DEFB123: variants seen among roughly 807,000 people sequenced by gnomAD.
The protein encoded by DEFB123 is defensin beta 123.
For synonymous variants in DEFB123, 22 were observed against 28.3 expected (o/e 0.78, Z 0.71); for missense variants, 71 against 75.0 (o/e 0.95, Z 0.20).
chr20:31,441,020 G>A (rs1600549392), intron 1 of DEFB123, among the ~76,000 whole-genome samples: 2 of 152,332 alleles, frequency 1.3e-5, no homozygotes, highest in South Asian at 4.1e-4. Context: ...GGAGTGGGAG[G>A]GGTGAGCAAG....
intron 1 of DEFB123, among the ~76,000 whole-genome samples, chr20:31,441,333 T>A (rs1483413903): frequency 6.6e-6 from 1 of 152,076 alleles, no homozygotes; most frequent in Non-Finnish European, 1.5e-5. Flanking sequence ...AGGAGAGTCC[T>A]CCTGGAGGGA....
At chr20:31,446,989 G>A (rs556234132) in intron 1 of DEFB123, among the ~76,000 whole-genome samples, 151 of 147,502 alleles carry the variant, frequency 1.0e-3, no homozygotes, top group Non-Finnish European at 1.9e-3. Flanking sequence ...TAGGCCCGGC[G>A]CGGTGGCTCA....
rs1979698339 is a variant in DEFB123 at position 31,450,029 on chromosome 20, G to A, written c.59G>A (p.Gly20Asp). ...CTCCCTTCTTTCTGCTTTGTGTCAG[G>A]TGGCACCCAAAGATGCTGGAATCTT... The part of the protein sequence containing the change: ...VLLLLSQLTP[G>D]GTQRCWNLYG... The change falls in exon 2 of 2, where the codon GGT becomes GAT. Residue 20 changes from glycine (G) to aspartate (D), a missense_variant and splice_region_variant. Physicochemically the swap from Gly to Asp is moderately conservative, Grantham distance 94. Coordinates refer to ENST00000376309, the MANE Select transcript of DEFB123 (RefSeq NM_153324.4). 1 of 1,607,526 alleles carries A rather than the reference G, an allele frequency of 6.2e-7. No individual in the cohort carries two copies.
intron 1 of DEFB123, among the ~76,000 whole-genome samples, chr20:31,445,710 T>A (rs1168877628): frequency 2.0e-5 from 3 of 152,084 alleles, no homozygotes; most frequent in African/African-American, 7.2e-5. Flanking sequence ...TGCCTAATTT[T>A]TGTAATTTTA....
intron 1 of DEFB123, among the ~76,000 whole-genome samples, chr20:31,444,896 A>T (rs1355518358): frequency 1.3e-5 from 2 of 152,160 alleles, no homozygotes; most frequent in African/African-American, 2.4e-5. Flanking sequence ...TTTTATAGCA[A>T]TCAGTTCTTT....
intron 1 of DEFB123, among the ~76,000 whole-genome samples, chr20:31,447,747 G>C (rs1937754272): frequency 6.9e-6 from 1 of 144,448 alleles, no homozygotes; most frequent in African/African-American, 2.6e-5. Context: ...CTCCCTAGTA[G>C]CTGGGACTAC....
At chr20:31,447,933 C>A (rs1979632094) in intron 1 of DEFB123, among the ~76,000 whole-genome samples, 1 of 151,878 alleles carries the variant, frequency 6.6e-6, no homozygotes, top group South Asian at 2.1e-4. Context: ...ATTACAGGCG[C>A]CTGCCACCAT....
intron 1 of DEFB123, among the ~76,000 whole-genome samples, chr20:31,441,400 G>A (rs1979459500): frequency 6.6e-6 from 1 of 152,194 alleles, no homozygotes; most frequent in Admixed American, 6.5e-5. Context: ...GGGGAAAGCA[G>A]AAGGGTGTCC....
chr20:31,447,630 T>A (rs1315725642), intron 1 of DEFB123, among the ~76,000 whole-genome samples: 1 of 151,642 alleles, frequency 6.6e-6, no homozygotes, highest in Non-Finnish European at 1.5e-5. Flanking sequence ...TTTTTTTTCC[T>A]TTCTTTGAGA....
At position 31,442,904 on chromosome 20, in the gene DEFB123, G is replaced by A. The variant is rs770482371; in HGVS notation, c.58+2148G>A. Among the ~76,000 whole-genome samples, 7 of 152,140 alleles carry A rather than the reference G, an allele frequency of 4.6e-5. 1 individual carries two copies. In the East Asian group the frequency reaches 9.7e-4, roughly 21 times the overall value. On this transcript the variant is annotated intron_variant, in intron 1 of 1. Coordinates refer to ENST00000376309, the MANE Select transcript of DEFB123 (RefSeq NM_153324.4). ...ATTACAGGCTTGAGCCACCATGCCC[G>A]GTCTTTGCCATTTTTAAGGGGTTGT...
At chr20:31,447,496 T>A (rs1979619354) in intron 1 of DEFB123, among the ~76,000 whole-genome samples, 1 of 152,108 alleles carries the variant, frequency 6.6e-6, no homozygotes, top group Non-Finnish European at 1.5e-5. Flanking sequence ...AGTCTATTTC[T>A]CCACTTTTAG....
At chr20:31,446,901 C>T (rs1979598772) in intron 1 of DEFB123, among the ~76,000 whole-genome samples, 4 of 150,650 alleles carry the variant, frequency 2.7e-5, no homozygotes, top group Non-Finnish European at 5.9e-5. Context: ...GAGCCGAGAT[C>T]ACGCCACTGT....
At chr20:31,447,131 G>A (rs143871423) in intron 1 of DEFB123, among the ~76,000 whole-genome samples, 2,985 of 151,742 alleles carry the variant, frequency 0.02, 41 homozygotes, top group Middle Eastern at 0.034. Context: ...GCGTGGTGGC[G>A]CATGCCTGTA....
intron 1 of DEFB123, among the ~76,000 whole-genome samples, chr20:31,444,595 T>C (rs1429233811): frequency 6.6e-6 from 1 of 152,206 alleles, no homozygotes; most frequent in Non-Finnish European, 1.5e-5. Context: ...AGTGTATGAG[T>C]GTCATTCCTT....
At chr20:31,443,967 A>G (rs1383856605) in intron 1 of DEFB123, among the ~76,000 whole-genome samples, 1 of 152,158 alleles carries the variant, frequency 6.6e-6, no homozygotes, top group Non-Finnish European at 1.5e-5. Context: ...AGCTCTTTGA[A>G]ATTTGGAAAT....
At chr20:31,446,060 A>T (rs993437260) in intron 1 of DEFB123, among the ~76,000 whole-genome samples, 2 of 152,218 alleles carry the variant, frequency 1.3e-5, no homozygotes, top group Non-Finnish European at 2.9e-5. Flanking sequence ...ACAAGGACAC[A>T]CTAGCAGTCT....
intron 1 of DEFB123, among the ~76,000 whole-genome samples, chr20:31,449,556 C>A (rs1275919355): frequency 6.6e-6 from 1 of 151,868 alleles, no homozygotes; most frequent in Non-Finnish European, 1.5e-5. Flanking sequence ...TATTTTTCTC[C>A]CCCTCAGGCC....
chr20:31,441,850 G>C (rs1979472622), intron 1 of DEFB123, among the ~76,000 whole-genome samples: 1 of 152,166 alleles, frequency 6.6e-6, no homozygotes, highest in African/African-American at 2.4e-5. Flanking sequence ...TTCTGACTCT[G>C]TGAGCCCCAA....
At position 31,450,252 on chromosome 20, in the gene DEFB123, G is replaced by A. The variant is rs916756265; in HGVS notation, c.*78G>A. The A allele has an allele frequency of 6.8e-6, 10 of 1,474,402 alleles. No homozygotes were observed. The Admixed American group carries it at 2.0e-4, about 29-fold the overall frequency. 91.3% of individuals were successfully genotyped at this position (1,474,402 alleles called of 1,614,324 possible). The stretch of plus-strand genomic sequence containing the variant: ...CCACACTCTATCAATAAACACCTCT[G>A]GCTGATCCCTGCGTTTGCCTGTTAG... On this transcript the variant is annotated 3_prime_UTR_variant, in exon 2 of 2. Coordinates refer to ENST00000376309, the MANE Select transcript of DEFB123 (RefSeq NM_153324.4).
Sources: allele counts gnomAD v4.1 joint callset (sites outside exome capture counted in the v4.1 genomes callset), GRCh38; gene constraint gnomAD v4.1.1; transcripts MANE v1.5; gene names NCBI Gene and HGNC (gene_info 2026-07-23, HGNC 2026-07-21).